MYRIP: variants seen among roughly 807,000 people sequenced by gnomAD.
The protein encoded by MYRIP is myosin VIIA and Rab interacting protein.
MYRIP carries 49 observed loss-of-function variants against 98.0 expected under a neutral mutation model. That is an observed-to-expected ratio of 0.50 (90% confidence interval 0.40 to 0.63). The LOEUF (loss-of-function observed/expected upper bound fraction) is 0.63, where lower values mean the gene tolerates loss of function less well. Ranked by LOEUF, MYRIP falls within the 30% of genes least tolerant of loss-of-function variation. The pLI, the probability that MYRIP is intolerant of heterozygous loss-of-function variation, is 0.00. For synonymous variants in MYRIP, 404 were observed against 409.5 expected, an observed-to-expected ratio of 0.99 and a Z score of 0.16; for missense variants, 1,004 against 1,058.2, an observed-to-expected ratio of 0.95 and a Z score of 0.71.
chr3:39,831,031 C>A lies in MYRIP; in HGVS notation c.-31+21115C>A, dbSNP rs754601506. Among the ~76,000 whole-genome samples the A allele has an allele frequency of 2.0e-5, 3 of 152,252 alleles. No individual in the cohort carries two copies. The South Asian group carries it at 6.2e-4, about 32-fold the overall frequency. ...CTCATGATACTTAAAATTTTAGCAGCCTTCGAAGCAACCAATCTGTTAATC... is the reference window on the plus strand; with the variant it reads ...CTCATGATACTTAAAATTTTAGCAGACTTCGAAGCAACCAATCTGTTAATC... On this transcript the variant is annotated intron_variant, in intron 1 of 16. Transcript: ENST00000302541.
At chr3:40,029,738 A>T (rs1406431822) in intron 2 of MYRIP, among the ~76,000 whole-genome samples, 6 of 152,114 alleles carry the variant, frequency 3.9e-5, no homozygotes, top group African/African-American at 9.7e-5. Flanking sequence ...CCCTTACAAC[A>T]CACCAGTAAA....
chr3:40,069,993 C>T (rs535190853), intron 3 of MYRIP, among the ~76,000 whole-genome samples: 8 of 152,226 alleles, frequency 5.3e-5, no homozygotes, highest in African/African-American at 7.2e-5. Context: ...CCTTTACTAA[C>T]ATGAAAAGAT....
intron 1 of MYRIP, among the ~76,000 whole-genome samples, chr3:39,833,654 A>C (rs1252851993): frequency 6.6e-6 from 1 of 152,162 alleles, no homozygotes; most frequent in East Asian, 1.9e-4. Context: ...ATTTAGAAAA[A>C]ATGGGCAGAG....
At chr3:39,830,867 G>A (rs1026361287) in intron 1 of MYRIP, among the ~76,000 whole-genome samples, 6 of 152,008 alleles carry the variant, frequency 3.9e-5, no homozygotes, top group Non-Finnish European at 7.4e-5. Flanking sequence ...GTCTAGACTC[G>A]CTGTATGCAA....
intron 2 of MYRIP, among the ~76,000 whole-genome samples, chr3:39,986,756 A>C (rs2125766611): frequency 6.6e-6 from 1 of 152,238 alleles, no homozygotes. Flanking sequence ...TCCTGCAGAC[A>C]TGACTTGCTA....
chr3:40,146,103 G>C (rs150361711), intron 3 of MYRIP, among the ~76,000 whole-genome samples: 9 of 152,296 alleles, frequency 5.9e-5, no homozygotes, highest in African/African-American at 2.2e-4. Flanking sequence ...GATTATTGTT[G>C]TAATTACTTA....
intron 3 of MYRIP, among the ~76,000 whole-genome samples, chr3:40,050,968 G>C (rs1162640992): frequency 6.6e-6 from 1 of 152,126 alleles, no homozygotes; most frequent in East Asian, 1.9e-4. Flanking sequence ...GTGAAGAGTT[G>C]CCTGTTACGA....
intron 2 of MYRIP, among the ~76,000 whole-genome samples, chr3:39,939,827 G>A (rs1944741201): frequency 6.6e-6 from 1 of 152,170 alleles, no homozygotes; most frequent in Non-Finnish European, 1.5e-5. Context: ...CAATGTTCCA[G>A]TGAGGAAATG....
intron 3 of MYRIP, among the ~76,000 whole-genome samples, chr3:40,118,514 C>G (rs1171987417): frequency 6.6e-6 from 1 of 151,610 alleles, no homozygotes; most frequent in Non-Finnish European, 1.5e-5. Context: ...GCCTGCATGC[C>G]CCTAAACAGG....
intron 3 of MYRIP, among the ~76,000 whole-genome samples, chr3:40,061,036 AT>A (rs1948003432): frequency 6.6e-6 from 1 of 152,188 alleles, no homozygotes; most frequent in Admixed American, 6.5e-5. Context: ...TATATTATGC[AT>A]TTCTAAAAGC....
At chr3:40,219,784 A>G (rs13060256) in intron 11 of MYRIP, among the ~76,000 whole-genome samples, 20,736 of 151,388 alleles carry the variant, frequency 0.14, 3,034 homozygotes, top group African/African-American at 0.37. Context: ...GAATAGTGCC[A>G]CAATAAACAT....
At chr3:39,949,201 AAAG>A (rs1437094858) in intron 2 of MYRIP, among the ~76,000 whole-genome samples, 3 of 152,270 alleles carry the variant, frequency 2.0e-5, no homozygotes, top group East Asian at 3.9e-4. Flanking sequence ...CAGACATCCA[AAAG>A]AAGAAGAGGT....
chr3:39,957,804 G>C (rs113277869), intron 2 of MYRIP, among the ~76,000 whole-genome samples: 1 of 151,944 alleles, frequency 6.6e-6, no homozygotes, highest in Non-Finnish European at 1.5e-5. Flanking sequence ...CAAAATCTCC[G>C]TAAGCTGATA....
intron 1 of MYRIP, among the ~76,000 whole-genome samples, chr3:39,878,635 CTATT>C: frequency 6.6e-6 from 1 of 151,986 alleles, no homozygotes; most frequent in Non-Finnish European, 1.5e-5. Context: ...TTTTTTGCTT[CTATT>C]TACTCACCAG....
intron 11 of MYRIP, among the ~76,000 whole-genome samples, chr3:40,218,490 C>T (rs1952195056): frequency 6.6e-6 from 1 of 150,900 alleles, no homozygotes; most frequent in African/African-American, 2.4e-5. Context: ...GGTAGCTACA[C>T]AACTGCATGC....
rs189601698 is a variant in MYRIP at position 40,043,387 on chromosome 3, A to G, written c.111-663A>G. Among the ~76,000 whole-genome samples the G allele has an allele frequency of 4.2e-4, 63 of 151,072 alleles. No homozygotes were observed. The East Asian group carries it at 6.2e-3, about 15-fold the overall frequency. On this transcript the variant is annotated intron_variant, in intron 2 of 16. Transcript: ENST00000302541. ...AGGTTACTCAACCTGTTGGCAGTGT[A>G]TTTTTCTTCTCACTGAGCACAGAGA...
intron 1 of MYRIP, among the ~76,000 whole-genome samples, chr3:39,877,893 T>A (rs547693651): frequency 1.3e-5 from 2 of 152,294 alleles, no homozygotes; most frequent in African/African-American, 4.8e-5. Flanking sequence ...CAGGGACATA[T>A]AAGTCTGCAG....
intron 2 of MYRIP, among the ~76,000 whole-genome samples, chr3:39,978,318 G>T (rs1945804935): frequency 6.6e-6 from 1 of 152,170 alleles, no homozygotes; most frequent in Non-Finnish European, 1.5e-5. Context: ...CCTGGATAAG[G>T]TTACTGAACA....
chr3:40,022,469 C>T (rs1293331863), intron 2 of MYRIP, among the ~76,000 whole-genome samples: 1 of 152,174 alleles, frequency 6.6e-6, no homozygotes, highest in Non-Finnish European at 1.5e-5. Context: ...CACAGGCATG[C>T]ACAGGGATGG....
Sources: allele counts gnomAD v4.1 joint callset (sites outside exome capture counted in the v4.1 genomes callset), GRCh38; gene constraint gnomAD v4.1.1; transcripts MANE v1.5; gene names NCBI Gene and HGNC (gene_info 2026-07-23, HGNC 2026-07-21).